Variants in SEMA5B observed in about 807,000 individuals in gnomAD.
SEMA5B encodes the protein semaphorin-5B.
A neutral mutation model predicts 135.0 loss-of-function variants in SEMA5B; 66 were observed. That is an observed-to-expected ratio of 0.49 (90% CI 0.40 to 0.60). SEMA5B has a LOEUF of 0.60. Among genes scored for constraint, SEMA5B ranks in the 20% least tolerant of loss-of-function variants. The pLI, the probability that SEMA5B is intolerant of heterozygous loss-of-function variation, is 0.00. For synonymous variants in SEMA5B, 690 were observed against 639.5 expected, an observed-to-expected ratio of 1.08 and a Z score of -1.19; for missense variants, 1,501 against 1,566.3, an observed-to-expected ratio of 0.96 and a Z score of 0.70.
intron 1 of SEMA5B, among the ~76,000 whole-genome samples, chr3:122,972,469 A>G (rs1290246551): frequency 2.6e-5 from 4 of 152,138 alleles, no homozygotes; most frequent in Non-Finnish European, 5.9e-5. Context: ...TGGATCAGTC[A>G]CCCTTGAAAT....
intron 1 of SEMA5B, among the ~76,000 whole-genome samples, chr3:122,977,906 A>C (rs1156357361): frequency 1.3e-5 from 2 of 152,258 alleles, no homozygotes; most frequent in African/African-American, 4.8e-5. Context: ...GAAGCACTGC[A>C]GTTGTCACTC....
chr3:123,017,599 C>G (rs1175507676), intron 1 of SEMA5B, among the ~76,000 whole-genome samples: 1 of 152,172 alleles, frequency 6.6e-6, no homozygotes, highest in African/African-American at 2.4e-5. Flanking sequence ...AACAGAATGA[C>G]CTGCAGGGCT....
chr3:122,967,007 C>T (rs568185964), intron 1 of SEMA5B, among the ~76,000 whole-genome samples: 1 of 151,720 alleles, frequency 6.6e-6, no homozygotes, highest in East Asian at 1.9e-4. Context: ...GCCTCAGCCT[C>T]CTGAGTAGCT....
At chr3:122,910,618 G>A (rs2107601360) in intron 22 of SEMA5B, among the ~76,000 whole-genome samples, 1 of 152,046 alleles carries the variant, frequency 6.6e-6, no homozygotes, top group Non-Finnish European at 1.5e-5. Context: ...GACCATCCCG[G>A]CTAAAAACGG....
At chr3:122,962,057 C>T (rs1233804892) in intron 1 of SEMA5B, among the ~76,000 whole-genome samples, 1 of 152,168 alleles carries the variant, frequency 6.6e-6, no homozygotes, top group South Asian at 2.1e-4. Context: ...TTACATTGGG[C>T]CCATCTAGAT....
chr3:123,012,601 C>T (rs1942462156), intron 1 of SEMA5B, among the ~76,000 whole-genome samples: 1 of 152,212 alleles, frequency 6.6e-6, no homozygotes, highest in Non-Finnish European at 1.5e-5. Flanking sequence ...TCTGAACAAT[C>T]CTTCCTCCCA....
At chr3:122,951,514 A>G (rs1379016888) in intron 2 of SEMA5B, among the ~76,000 whole-genome samples, 1 of 152,214 alleles carries the variant, frequency 6.6e-6, no homozygotes, top group East Asian at 1.9e-4. Flanking sequence ...ACATTTGTCT[A>G]ACTTGTCGCC....
chr3:122,910,248 C>A lies in SEMA5B; in HGVS notation c.3351G>T (p.Leu1117Phe). 1 of 1,614,196 alleles carries A rather than the reference C, an allele frequency of 6.2e-7. No individual in the cohort carries two copies. The highest frequency in any genetic ancestry group is 2.2e-5 in the East Asian group (1 of 44,892). ...IPDDRANFYPLQQTNVYTTTY... is the reference protein window; with the variant it reads ...IPDDRANFYPFQQTNVYTTTY... ...TAGTCGTGTACACATTGGTCTGCTG[C>A]AATGGGTAGAAGTTGGCTCTGTCAT... Residue 1117 changes from leucine to phenylalanine, a missense_variant, in exon 23 of 23, where the codon TTG becomes TTT. This residue lies in a region of SEMA5B where 927 missense variants were observed against 881.6 expected (regional missense o/e 1.05). Coordinates refer to ENST00000357599, the MANE Select transcript of SEMA5B (RefSeq NM_001031702.4).
intron 9 of SEMA5B, 105 bp from the exon 10 acceptor site, chr3:122,923,857 G>A: frequency 7.6e-7 from 1 of 1,319,342 alleles, no homozygotes. Flanking sequence ...GGCTCTGTAA[G>A]CATCTATGAT....
At chr3:122,980,611 T>C (rs1328617680) in intron 1 of SEMA5B, among the ~76,000 whole-genome samples, 1 of 152,246 alleles carries the variant, frequency 6.6e-6, no homozygotes, top group Non-Finnish European at 1.5e-5. Context: ...CTGGATGCTC[T>C]TCCATTTGGG....
intron 1 of SEMA5B, among the ~76,000 whole-genome samples, chr3:122,984,993 T>C (rs1253288825): frequency 1.3e-5 from 2 of 152,238 alleles, no homozygotes; most frequent in African/African-American, 2.4e-5. Context: ...GTGTCTAGGA[T>C]AGGGTATTTT....
intron 1 of SEMA5B, among the ~76,000 whole-genome samples, chr3:122,986,582 C>A (rs192820973): frequency 7.1e-6 from 1 of 140,746 alleles, no homozygotes; most frequent in Non-Finnish European, 1.5e-5. Context: ...TGAGGCAGGC[C>A]CAGAGCATAT....
At chr3:122,999,246 G>T (rs1422199345) in intron 1 of SEMA5B, among the ~76,000 whole-genome samples, 1 of 151,858 alleles carries the variant, frequency 6.6e-6, no homozygotes, top group African/African-American at 2.4e-5. Context: ...TTTTTTTTTA[G>T]ATGGAGTCTC....
At chr3:122,979,245 G>A (rs13096509) in intron 1 of SEMA5B, among the ~76,000 whole-genome samples, 16,032 of 152,178 alleles carry the variant, frequency 0.11, 887 homozygotes, top group Middle Eastern at 0.17. Context: ...AAGACCCGCC[G>A]AGGAGAACAT....
chr3:122,915,659 A>C (rs1356574772), intron 13 of SEMA5B, 38 bp from the exon 14 acceptor site: 1 of 1,601,224 alleles, frequency 6.2e-7, no homozygotes, highest in East Asian at 2.2e-5. Flanking sequence ...CCTATTACCC[A>C]AGCCAAGGGC....
At chr3:122,960,394 C>T (rs557414914) in intron 2 of SEMA5B, among the ~76,000 whole-genome samples, 16 of 152,202 alleles carry the variant, frequency 1.1e-4, no homozygotes, top group East Asian at 7.7e-4. Flanking sequence ...ATGGTACAGC[C>T]GCTATGTAAA....
intron 5 of SEMA5B, among the ~76,000 whole-genome samples, chr3:122,935,573 T>C (rs1157695732): frequency 6.6e-6 from 1 of 152,022 alleles, no homozygotes; most frequent in African/African-American, 2.4e-5. Context: ...CCTCACATCA[T>C]ACAATATGGG....
chr3:122,995,935 G>A (rs1023979025), intron 1 of SEMA5B, among the ~76,000 whole-genome samples: 5 of 152,222 alleles, frequency 3.3e-5, no homozygotes. Context: ...GCAGAGCTAC[G>A]TTGATGGGTC....
intron 18 of SEMA5B, among the ~76,000 whole-genome samples, chr3:122,912,601 C>G (rs920893882): frequency 6.7e-6 from 1 of 150,074 alleles, no homozygotes; most frequent in Non-Finnish European, 1.5e-5. Context: ...ACCTGTCTAA[C>G]TCACTAAGAA....
Sources: allele counts gnomAD v4.1 joint callset (sites outside exome capture counted in the v4.1 genomes callset), GRCh38; gene constraint gnomAD v4.1.1; regional missense constraint gnomAD v4.1.1; transcripts MANE v1.5; gene names NCBI Gene and HGNC (gene_info 2026-07-23, HGNC 2026-07-21).